ARID5B: variants seen among roughly 807,000 people sequenced by gnomAD.
The protein encoded by ARID5B is AT-rich interaction domain 5B.
In ARID5B, 13 loss-of-function variants were observed where a neutral mutation model predicts 97.2. That is an observed-to-expected ratio of 0.13 (90% CI 0.09 to 0.21). ARID5B has a LOEUF of 0.21. Ranked by LOEUF, ARID5B falls within the 10% of genes least tolerant of loss-of-function variation. The pLI, the probability that ARID5B is intolerant of heterozygous loss-of-function variation, is 1.00. For missense variants in ARID5B, 1,210 were observed against 1,465.3 expected (o/e 0.83, Z 2.84); for synonymous variants, 556 against 570.3 (o/e 0.97, Z 0.36).
intron 3 of ARID5B, among the ~76,000 whole-genome samples, chr10:61,948,517 C>G (rs1838275074): frequency 6.6e-6 from 1 of 151,158 alleles, no homozygotes; most frequent in Non-Finnish European, 1.5e-5. Flanking sequence ...CAGGTGCGCG[C>G]CACCACATCC....
chr10:62,040,641 A>G (rs550085034), intron 4 of ARID5B, among the ~76,000 whole-genome samples: 1 of 152,370 alleles, frequency 6.6e-6, no homozygotes, highest in Non-Finnish European at 1.5e-5. Flanking sequence ...AGGTAAAAAG[A>G]AACATGTGGA....
chr10:62,065,871 CAA>C (rs1839980950), intron 7 of ARID5B, among the ~76,000 whole-genome samples: 1 of 121,190 alleles, frequency 8.3e-6, no homozygotes, highest in African/African-American at 2.9e-5. Context: ...AAAAAGGAAA[CAA>C]AGAGCCAGAA....
intron 7 of ARID5B, among the ~76,000 whole-genome samples, chr10:62,064,682 G>A (rs532071365): frequency 6.6e-6 from 1 of 152,272 alleles, no homozygotes; most frequent in South Asian, 2.1e-4. Context: ...TTGACCAGGT[G>A]GGCAGTGTGG....
intron 2 of ARID5B, among the ~76,000 whole-genome samples, chr10:61,915,734 T>A (rs1200000613): frequency 2.0e-5 from 3 of 152,120 alleles, no homozygotes; most frequent in Admixed American, 6.5e-5. Flanking sequence ...TGGTCTACTA[T>A]CTGTCTTTGT....
chr10:61,911,075 C>T (rs1843795621), intron 2 of ARID5B, among the ~76,000 whole-genome samples: 1 of 152,206 alleles, frequency 6.6e-6, no homozygotes, highest in South Asian at 2.1e-4. Flanking sequence ...ACACCCCTTC[C>T]ACCCCATAGT....
At chr10:62,076,329 C>T (rs9633535) in intron 8 of ARID5B, among the ~76,000 whole-genome samples, 50,096 of 151,824 alleles carry the variant, frequency 0.33, 8,988 homozygotes, top group Non-Finnish European at 0.41. Flanking sequence ...GACTTGAGAC[C>T]CAGGAGTTCG....
chr10:62,034,503 C>A (rs562809284), intron 4 of ARID5B, among the ~76,000 whole-genome samples: 1 of 152,196 alleles, frequency 6.6e-6, no homozygotes, highest in Admixed American at 6.5e-5. Context: ...AGGAGCTATG[C>A]GCTTATATAA....
chr10:61,936,308 T>G (rs1222968899), intron 2 of ARID5B, among the ~76,000 whole-genome samples: 2 of 152,222 alleles, frequency 1.3e-5, no homozygotes, highest in African/African-American at 4.8e-5. Context: ...ATGAAAAACT[T>G]AATATACATT....
At chr10:61,920,864 A>G (rs1844002426) in intron 2 of ARID5B, among the ~76,000 whole-genome samples, 1 of 152,196 alleles carries the variant, frequency 6.6e-6, no homozygotes, top group Admixed American at 6.5e-5. Context: ...AACATGTTCA[A>G]GTTAGCCATA....
intron 4 of ARID5B, chr10:62,025,055 A>G (rs1327832533): frequency 6.0e-6 from 1 of 167,764 alleles, no homozygotes; most frequent in African/African-American, 2.4e-5. Context: ...GTTTCTCACC[A>G]TGGACCTGAT....
intron 4 of ARID5B, among the ~76,000 whole-genome samples, chr10:62,045,064 C>T (rs1187582079): frequency 6.6e-6 from 1 of 152,102 alleles, no homozygotes; most frequent in Non-Finnish European, 1.5e-5. Flanking sequence ...ATTTCAGGGA[C>T]TTATTTATGA....
intron 7 of ARID5B, among the ~76,000 whole-genome samples, chr10:62,067,164 C>T (rs1392382173): frequency 1.3e-5 from 2 of 152,068 alleles, no homozygotes; most frequent in Non-Finnish European, 2.9e-5. Flanking sequence ...CAGCTCACCG[C>T]AACCTCTGCC....
At chr10:61,962,985 C>G (rs910116036) in intron 3 of ARID5B, among the ~76,000 whole-genome samples, 1 of 152,048 alleles carries the variant, frequency 6.6e-6, no homozygotes, top group African/African-American at 2.4e-5. Flanking sequence ...GTTCGCAGCC[C>G]TACAGTTGTT....
intron 2 of ARID5B, among the ~76,000 whole-genome samples, chr10:61,919,312 T>C (rs1250207146): frequency 6.6e-6 from 1 of 152,156 alleles, no homozygotes; most frequent in Admixed American, 6.5e-5. Context: ...TTTCTTTTCT[T>C]AAAAACACCC....
In ARID5B at chr10:61,915,929, T is replaced by C. The variant is rs556148211; in HGVS notation, c.276+13516T>C. 3.3e-5 allele frequency among the ~76,000 whole-genome samples: 5 copies of C among 152,316 alleles called. No homozygotes were observed. The East Asian group carries it at 9.7e-4, about 29-fold the overall frequency. On this transcript the variant is annotated intron_variant, in intron 2 of 9. Transcript: ENST00000279873. ...CACCACCATGCCTGGCTAATTTTTG[T>C]ATTTCTAGTAGAGACTGGGTTTCAC... is the stretch of plus-strand genomic sequence containing the variant.
At chr10:62,041,502 C>T (rs771593284) in intron 4 of ARID5B, among the ~76,000 whole-genome samples, 2 of 152,084 alleles carry the variant, frequency 1.3e-5, no homozygotes, top group South Asian at 2.1e-4. Flanking sequence ...AGTGAAAAGC[C>T]CCCTTTCTGT....
At chr10:62,013,938 C>T (rs552463174) in intron 4 of ARID5B, among the ~76,000 whole-genome samples, 12 of 151,580 alleles carry the variant, frequency 7.9e-5, no homozygotes, top group South Asian at 2.1e-4. Flanking sequence ...AGGGTAATTG[C>T]GGTATCTATT....
intron 7 of ARID5B, among the ~76,000 whole-genome samples, chr10:62,066,674 T>A (rs1396772821): frequency 6.6e-6 from 1 of 152,172 alleles, no homozygotes; most frequent in Non-Finnish European, 1.5e-5. Context: ...GATAGATTAT[T>A]TTTCCCTCCT....
At chr10:62,076,132 G>A (rs7101171) in intron 8 of ARID5B, among the ~76,000 whole-genome samples, 22,048 of 152,134 alleles carry the variant, frequency 0.14, 1,841 homozygotes, top group African/African-American at 0.22. Context: ...TCTCAGTATG[G>A]CATCCCCAGG....
Sources: gnomAD v4.1 joint callset for allele counts (sites outside exome capture counted in the v4.1 genomes callset) on GRCh38, gnomAD v4.1.1 for gene constraint, MANE v1.5 for transcripts, NCBI Gene and HGNC (gene_info 2026-07-23, HGNC 2026-07-21) for gene names.